Variants in FTCDNL1 observed in about 807,000 individuals in gnomAD.
FTCDNL1 encodes formiminotransferase cyclodeaminase N-terminal like.
A neutral mutation model predicts 5.9 loss-of-function variants in FTCDNL1; 11 were observed. The ratio of observed to expected loss-of-function variants is 1.87; its 90% CI spans 1.18 to 3.10. The LOEUF (loss-of-function observed/expected upper bound fraction) is 3.10, where lower values mean the gene tolerates loss of function less well. FTCDNL1 is among the 30% of genes most tolerant of loss of function. The pLI is 0.00. For synonymous variants in FTCDNL1, 58 were observed against 24.8 expected, an observed-to-expected ratio of 2.34 and a Z score of -3.99; for missense variants, 115 against 65.5, an observed-to-expected ratio of 1.76 and a Z score of -2.61.
Position 199,846,080 on chromosome 2 carries a change from T to C in FTCDNL1, c.206A>G (p.Lys69Arg). The C allele has an allele frequency of 1.4e-6, 1 of 692,886 alleles. No homozygotes were observed. Among genetic ancestry groups the C allele is most frequent in the Non-Finnish European group, 2.6e-6 (1 of 381,918 alleles). 42.9% of individuals were successfully genotyped at this position (692,886 alleles called of 1,614,324 possible). ...SVITIATSVD[K>R]LGLAEDLVLH... ...GAAAGAAACTGAAATCTTACCCAACTTATCAACAGAAGTTGCTATTGTAAT... is the reference window on the plus strand; with the variant it reads ...GAAAGAAACTGAAATCTTACCCAACCTATCAACAGAAGTTGCTATTGTAAT... Residue 69 changes from lysine to arginine, a missense_variant, in exon 3 of 5, where the codon AAG (lysine) becomes AGG (arginine). Coordinates refer to ENST00000420128, the MANE Select transcript of FTCDNL1 (RefSeq NM_001363886.2).
chr2:199,792,173 T>A (rs1699965481), intron 3 of FTCDNL1, among the ~76,000 whole-genome samples: 1 of 152,186 alleles, frequency 6.6e-6, no homozygotes, highest in Non-Finnish European at 1.5e-5. Flanking sequence ...TCTATCACTC[T>A]TAATGATTCA....
chr2:199,776,058 C>A (rs7609534), intron 3 of FTCDNL1, among the ~76,000 whole-genome samples: 59 of 152,094 alleles, frequency 3.9e-4, no homozygotes, highest in African/African-American at 1.4e-3. Context: ...GGACTACAGG[C>A]GCCCGCCACC....
intron 3 of FTCDNL1, among the ~76,000 whole-genome samples, chr2:199,840,924 G>A (rs1341865955): frequency 6.6e-6 from 1 of 152,046 alleles, no homozygotes; most frequent in Non-Finnish European, 1.5e-5. Context: ...AGGCTGAGGT[G>A]GGGATTGCTT....
At chr2:199,844,996 C>T (rs1279073540) in intron 3 of FTCDNL1, among the ~76,000 whole-genome samples, 1 of 151,992 alleles carries the variant, frequency 6.6e-6, no homozygotes, top group African/African-American at 2.4e-5. Context: ...GGCAATCCTC[C>T]CACCTTGGCC....
At chr2:199,743,438 C>G in the FTCDNL1 span, among the ~76,000 whole-genome samples, 1 of 152,204 alleles carries the variant, frequency 6.6e-6, no homozygotes, top group Admixed American at 6.5e-5. Flanking sequence ...GACTGTTTAC[C>G]TCTTGAGACA....
intron 3 of FTCDNL1, among the ~76,000 whole-genome samples, chr2:199,842,903 C>T (rs1295008035): frequency 6.8e-6 from 1 of 147,382 alleles, no homozygotes; most frequent in African/African-American, 2.5e-5. Flanking sequence ...AATGCGAATA[C>T]TTCTGCCTCA....
chr2:199,779,977 G>T (rs2106322747), intron 3 of FTCDNL1, among the ~76,000 whole-genome samples: 1 of 152,306 alleles, frequency 6.6e-6, no homozygotes, highest in Admixed American at 6.5e-5. Flanking sequence ...ACCTGCAAAA[G>T]TACCACCTCT....
At chr2:199,713,150 T>C in the FTCDNL1 span, among the ~76,000 whole-genome samples, 2 of 152,204 alleles carry the variant, frequency 1.3e-5, no homozygotes, top group Non-Finnish European at 2.9e-5. Flanking sequence ...GTCTGGGTCT[T>C]AAAGTTAATT....
exon 4 of FTCDNL1, chr2:199,760,639 T>G (rs1280119088): frequency 3.6e-6 from 2 of 560,952 alleles, no homozygotes; most frequent in East Asian, 5.6e-5. Flanking sequence ...AAATGCAATA[T>G]ACCCTCTATT....
the FTCDNL1 span, among the ~76,000 whole-genome samples, chr2:199,707,321 A>T: frequency 4.0e-5 from 6 of 151,818 alleles, no homozygotes; most frequent in Non-Finnish European, 7.4e-5. Context: ...ATTGTTACAA[A>T]TTTTTTCTTA....
At chr2:199,827,281 C>T (rs945116628) in intron 3 of FTCDNL1, among the ~76,000 whole-genome samples, 12 of 152,184 alleles carry the variant, frequency 7.9e-5, no homozygotes, top group African/African-American at 2.9e-4. Flanking sequence ...TATAGGATAA[C>T]TGACCCAGAT....
At chr2:199,732,400 A>G in the FTCDNL1 span, among the ~76,000 whole-genome samples, 1 of 152,226 alleles carries the variant, frequency 6.6e-6, no homozygotes, top group South Asian at 2.1e-4. Flanking sequence ...AAGCATTCAT[A>G]TGGGTGAGGC....
chr2:199,782,671 G>A (rs150222120), intron 3 of FTCDNL1, among the ~76,000 whole-genome samples: 1 of 152,308 alleles, frequency 6.6e-6, no homozygotes, highest in Admixed American at 6.5e-5. Flanking sequence ...TTCTCACCTG[G>A]TCTCCACGTA....
At chr2:199,772,768 G>A (rs1178631650) in intron 3 of FTCDNL1, among the ~76,000 whole-genome samples, 1 of 152,182 alleles carries the variant, frequency 6.6e-6, no homozygotes, top group Non-Finnish European at 1.5e-5. Context: ...ATAGCCTCAA[G>A]ATAAGACCTT....
chr2:199,673,086 G>A, the FTCDNL1 span, among the ~76,000 whole-genome samples: 40 of 152,112 alleles, frequency 2.6e-4, no homozygotes, highest in South Asian at 6.2e-4. Flanking sequence ...CCAGCCCTTC[G>A]GGAGGCCGAG....
chr2:199,666,672 T>G, the FTCDNL1 span, among the ~76,000 whole-genome samples: 1 of 152,104 alleles, frequency 6.6e-6, no homozygotes, highest in Non-Finnish European at 1.5e-5. Context: ...ATCCCAGCAC[T>G]TTGGGAGGCC....
chr2:199,769,406 G>A (rs1698696322), intron 3 of FTCDNL1, among the ~76,000 whole-genome samples: 1 of 152,102 alleles, frequency 6.6e-6, no homozygotes, highest in Non-Finnish European at 1.5e-5. Flanking sequence ...GAGTTCCCCT[G>A]CACAAGTCCT....
intron 4 of FTCDNL1, among the ~76,000 whole-genome samples, chr2:199,817,940 T>G (rs1030263908): frequency 2.0e-5 from 3 of 152,206 alleles, no homozygotes; most frequent in South Asian, 2.1e-4. Flanking sequence ...CTTAGGAAAC[T>G]AAACATAATT....
chr2:199,741,378 T>C, the FTCDNL1 span, among the ~76,000 whole-genome samples: 2 of 152,218 alleles, frequency 1.3e-5, no homozygotes, highest in African/African-American at 4.8e-5. Context: ...CTATTAAATA[T>C]GTACCTAATT....
Sources: gnomAD v4.1 joint callset for allele counts (sites outside exome capture counted in the v4.1 genomes callset) on GRCh38, gnomAD v4.1.1 for gene constraint, MANE v1.5 for transcripts, NCBI Gene and HGNC (gene_info 2026-07-23, HGNC 2026-07-21) for gene names.